LRRC1: variants seen among roughly 807,000 people sequenced by gnomAD.
LRRC1 encodes leucine rich repeat containing 1.
LRRC1 carries 28 observed loss-of-function variants against 69.9 expected under a neutral mutation model. The ratio of observed to expected loss-of-function variants is 0.40; its 90% CI spans 0.30 to 0.55. LRRC1 has a LOEUF of 0.55. Among genes scored for constraint, LRRC1 ranks in the 20% least tolerant of loss-of-function variants. The pLI, the probability that LRRC1 is intolerant of heterozygous loss-of-function variation, is 0.47. For missense variants in LRRC1, 498 were observed against 609.0 expected (o/e 0.82, Z 1.92); for synonymous variants, 236 against 240.2 (o/e 0.98, Z 0.16).
intron 7 of LRRC1, 128 bp downstream of exon 7, chr6:53,897,487 C>A: frequency 1.6e-6 from 1 of 625,480 alleles, no homozygotes; most frequent in Non-Finnish European, 2.7e-6. Flanking sequence ...ATTGAAAAGG[C>A]ACATTTGGAA....
intron 1 of LRRC1, among the ~76,000 whole-genome samples, chr6:53,830,165 G>A (rs1380645039): frequency 6.6e-6 from 1 of 152,200 alleles, no homozygotes; most frequent in African/African-American, 2.4e-5. Flanking sequence ...TATATTAGAC[G>A]AAGGCCAGGA....
rs188450401 is a variant in LRRC1 at position 53,893,824 on chromosome 6, T to A, written c.447-2674T>A. Among the ~76,000 whole-genome samples, 321 of 152,312 alleles carry A rather than the reference T, an allele frequency of 2.1e-3. 1 individual carries two copies. Among genetic ancestry groups the A allele is most frequent in the African/African-American group, 7.2e-3 (301 of 41,556 alleles). On this transcript the variant is annotated intron_variant, in intron 4 of 13. Coordinates refer to ENST00000370888, the MANE Select transcript of LRRC1 (RefSeq NM_018214.5). ...ACTTAAGAGGTTTTGTAGCCAGAAC[T>A]TTTTTACTTAGCAGGATATTATATC...
At chr6:53,805,186 A>G (rs1193617942) in intron 1 of LRRC1, among the ~76,000 whole-genome samples, 1 of 152,172 alleles carries the variant, frequency 6.6e-6, no homozygotes, top group African/African-American at 2.4e-5. Context: ...TGTGCATGCC[A>G]AGAGTTGCTA....
At chr6:53,920,544 A>G (rs1581922529) in intron 12 of LRRC1, 81 bp from the exon 13 acceptor site, 5 of 1,540,720 alleles carry the variant, frequency 3.2e-6, no homozygotes, top group South Asian at 2.3e-5. Context: ...TATAGATTCT[A>G]CCTTGTCAGC....
chr6:53,898,380 A>G (rs1767940149), intron 7 of LRRC1, among the ~76,000 whole-genome samples: 1 of 152,216 alleles, frequency 6.6e-6, no homozygotes, highest in South Asian at 2.1e-4. Context: ...TTAGAAGTCA[A>G]AGGATGGGAG....
chr6:53,797,897 A>G (rs907552475), intron 1 of LRRC1, among the ~76,000 whole-genome samples: 5 of 152,172 alleles, frequency 3.3e-5, no homozygotes, highest in South Asian at 4.1e-4. Flanking sequence ...GCCAAATACA[A>G]TTGCTTTGGA....
intron 2 of LRRC1, among the ~76,000 whole-genome samples, chr6:53,865,206 T>C (rs1040706495): frequency 6.6e-6 from 1 of 152,164 alleles, no homozygotes. Context: ...TCAAGTTCTA[T>C]GTAATCTTGC....
chr6:53,907,691 G>T (rs908813926), intron 10 of LRRC1, among the ~76,000 whole-genome samples: 1 of 148,596 alleles, frequency 6.7e-6, no homozygotes, highest in African/African-American at 2.5e-5. Flanking sequence ...TGACTGCTTT[G>T]TGTGCTCTTC....
intron 2 of LRRC1, among the ~76,000 whole-genome samples, chr6:53,877,512 T>C (rs1767113651): frequency 6.6e-6 from 1 of 152,220 alleles, no homozygotes; most frequent in Non-Finnish European, 1.5e-5. Context: ...ATGCTCTGCT[T>C]CCCTTATAAA....
At chr6:53,863,543 TGAA>T (rs1766598867) in intron 2 of LRRC1, among the ~76,000 whole-genome samples, 1 of 152,242 alleles carries the variant, frequency 6.6e-6, no homozygotes. Flanking sequence ...TGCTGCCTTC[TGAA>T]GAAGGACTTT....
intron 1 of LRRC1, among the ~76,000 whole-genome samples, chr6:53,796,184 C>T (rs1368187169): frequency 6.6e-6 from 1 of 152,254 alleles, no homozygotes; most frequent in Admixed American, 6.5e-5. Flanking sequence ...GTCCTGCTGA[C>T]TTTCTCTCCT....
intron 1 of LRRC1, among the ~76,000 whole-genome samples, chr6:53,829,959 A>G (rs1293916948): frequency 1.3e-5 from 2 of 152,236 alleles, no homozygotes; most frequent in East Asian, 3.8e-4. Flanking sequence ...TCTGACTCAG[A>G]GAACTCTTGA....
chr6:53,863,267 A>G (rs79895282), intron 2 of LRRC1, among the ~76,000 whole-genome samples: 1,626 of 152,226 alleles, frequency 0.011, 27 homozygotes, highest in African/African-American at 0.037. Context: ...CTCCCTTTAC[A>G]TAGCATTGCC....
intron 11 of LRRC1, among the ~76,000 whole-genome samples, chr6:53,915,252 A>G (rs1332701538): frequency 6.6e-6 from 1 of 151,954 alleles, no homozygotes; most frequent in African/African-American, 2.4e-5. Flanking sequence ...ACCATTTTTT[A>G]CTCTTGCTAA....
chr6:53,878,181 C>A (rs1405968864), intron 2 of LRRC1, among the ~76,000 whole-genome samples: 1 of 152,062 alleles, frequency 6.6e-6, no homozygotes, highest in East Asian at 1.9e-4. Context: ...CCCCATGATT[C>A]AATTACCTCC....
chr6:53,817,929 G>A (rs910615692), intron 1 of LRRC1, among the ~76,000 whole-genome samples: 1 of 152,112 alleles, frequency 6.6e-6, no homozygotes, highest in East Asian at 1.9e-4. Flanking sequence ...TGCTATGTGC[G>A]CTGTATGATC....
At chr6:53,843,782 C>G (rs1354303530) in intron 2 of LRRC1, among the ~76,000 whole-genome samples, 1 of 152,102 alleles carries the variant, frequency 6.6e-6, no homozygotes, top group African/African-American at 2.4e-5. Context: ...TGTGGGTTCT[C>G]TGTTCTTCCC....
chr6:53,845,570 C>A (rs1348599378), intron 2 of LRRC1, among the ~76,000 whole-genome samples: 2 of 152,158 alleles, frequency 1.3e-5, no homozygotes, highest in African/African-American at 4.8e-5. Flanking sequence ...TGGGTCCCTG[C>A]CCCGCCTCAG....
intron 1 of LRRC1, among the ~76,000 whole-genome samples, chr6:53,840,890 G>GTT (rs1765762262): frequency 9.9e-6 from 1 of 101,508 alleles, no homozygotes; most frequent in Non-Finnish European, 2.0e-5. Flanking sequence ...GTGTTTGTGT[G>GTT]TGTGTGTGTG....
Sources: gnomAD v4.1 joint callset for allele counts (sites outside exome capture counted in the v4.1 genomes callset) on GRCh38, gnomAD v4.1.1 for gene constraint, MANE v1.5 for transcripts, NCBI Gene and HGNC (gene_info 2026-07-23, HGNC 2026-07-21) for gene names.